The following USH2A variants were observed in gnomAD, a reference collection of about 807,000 sequenced individuals.
USH2A encodes the protein Usher syndrome 2A (autosomal recessive, mild).
Under a neutral mutation model 538.9 loss-of-function variants are expected in USH2A, and 443 were observed. That is an observed-to-expected ratio of 0.82 (90% confidence interval 0.76 to 0.89). USH2A has a LOEUF of 0.89. USH2A is among the 40% of genes least tolerant of loss of function. The probability of loss-of-function intolerance (pLI) is 0.00; values close to 1 mark genes in which losing one functional copy is unlikely to be tolerated. For synonymous variants in USH2A, 2,413 were observed against 2,273.5 expected, an observed-to-expected ratio of 1.06 and a Z score of -1.75; for missense variants, 6,633 against 6,324.8, an observed-to-expected ratio of 1.05 and a Z score of -1.65.
chr1:215,759,903 G>A lies in USH2A; in HGVS notation c.11048-60C>T, dbSNP rs1050828913. 10 of 1,593,596 alleles carry A rather than the reference G, an allele frequency of 6.3e-6. No homozygotes were observed. The African/African-American group carries it at 1.2e-4, about 19-fold the overall frequency. ...GGAGAAAATAAACAGTGTATCAAAA[G>A]TCACACCATCCCCCCCATGAACTGT... On this transcript the variant is annotated intron_variant, in intron 56 of 71. Transcript: ENST00000307340.
chr1:216,292,269 TTTGGAATGGCTGTTGCA>T lies in USH2A; in HGVS notation c.1729_1745del (p.Cys577LysfsTer14). The T allele has an allele frequency of 6.2e-7, 1 of 1,614,066 alleles. No homozygotes were observed. The highest frequency in any genetic ancestry group is 1.7e-5 in the Admixed American group (1 of 60,026). On this transcript the variant is annotated frameshift_variant, in exon 10 of 72. Transcript: ENST00000307340. LOFTEE classifies it high-confidence loss of function. ...CTACAGAGATGTTGTAATGGCAGCT[TTTGGAATGGCTGTTGCA>T]TTGACAAGGTTTACAATTGAAAGCG...
chr1:215,703,789 C>T (rs1482425413), intron 61 of USH2A, among the ~76,000 whole-genome samples: 1 of 152,162 alleles, frequency 6.6e-6, no homozygotes. Context: ...CACACGGCTC[C>T]CTGGCTTCAG....
Position 215,888,710 on chromosome 1 carries a change from G to C in USH2A, c.7939C>G (p.Pro2647Ala), listed in dbSNP as rs1414367127. 1 of 1,614,130 alleles carries C rather than the reference G, an allele frequency of 6.2e-7. No individual in the cohort carries two copies. Among genetic ancestry groups the C allele is most frequent in the Non-Finnish European group, 8.5e-7 (1 of 1,180,024 alleles). Residue 2647 changes from proline to alanine, a missense_variant, in exon 41 of 72, where the codon CCT (proline) becomes GCT (alanine). By Grantham distance (27) the Pro-to-Ala change is conservative (BLOSUM62 -1). Transcript: ENST00000307340. Reference sequence around the variant, plus strand: ...TCCACCAAGCCATTGGGGTGGGTAGGGGGTTGCCAAGATATAATCACAGAT... The same window carrying C: ...TCCACCAAGCCATTGGGGTGGGTAGCGGGTTGCCAAGATATAATCACAGAT... ...PTSVIISWQP[P>A]THPNGLVENF... is the part of the protein sequence containing the mutation.
At chr1:215,844,917 C>T (rs1159446293) in intron 45 of USH2A, among the ~76,000 whole-genome samples, 6 of 152,020 alleles carry the variant, frequency 3.9e-5, no homozygotes, top group Non-Finnish European at 7.4e-5. Flanking sequence ...GCTGGTGGAA[C>T]GTGAAAAATC....
Position 216,083,518 on chromosome 1 carries a change from T to C in USH2A, c.5236A>G (p.Thr1746Ala), listed in dbSNP as rs1235755585. The change falls in exon 26 of 72, where the codon ACT becomes GCT. Residue 1746 changes from threonine to alanine, a missense_variant. By Grantham distance (58) the Thr-to-Ala change is moderately conservative. Transcript: ENST00000307340. ...MNFEISFKFR[T>A]DQLNGLLLFV... ...AGAAGCAATCCATTTAATTGGTCAGTTCTGAACTTAAAGGAAATCTCAAAG... is the reference window on the plus strand; with the variant it reads ...AGAAGCAATCCATTTAATTGGTCAGCTCTGAACTTAAAGGAAATCTCAAAG... 3 of 1,612,610 alleles carry C rather than the reference T, an allele frequency of 1.9e-6. No homozygotes were observed. Among genetic ancestry groups the C allele is most frequent in the Non-Finnish European group, 2.5e-6 (3 of 1,179,226 alleles).
At chr1:215,888,320 A>C (rs1405149743) in intron 41 of USH2A, 106 bp downstream of exon 41, 3 of 1,555,470 alleles carry the variant, frequency 1.9e-6, no homozygotes, top group Non-Finnish European at 2.6e-6. Context: ...GAATGCCTAA[A>C]ACAACAAATG....
chr1:216,352,803 A>G (rs1350580627), intron 4 of USH2A, among the ~76,000 whole-genome samples: 2 of 152,152 alleles, frequency 1.3e-5, no homozygotes, highest in Non-Finnish European at 2.9e-5. Flanking sequence ...ATAGCAGTGG[A>G]AATCTATAGA....
At chr1:215,896,520 A>G (rs12090189) in intron 40 of USH2A, among the ~76,000 whole-genome samples, 25,412 of 152,080 alleles carry the variant, frequency 0.17, 2,538 homozygotes, top group South Asian at 0.3. Context: ...AAGTAGGTTA[A>G]TTCATAGTTA....
intron 21 of USH2A, among the ~76,000 whole-genome samples, chr1:216,133,761 C>G (rs919429646): frequency 2.6e-5 from 4 of 152,040 alleles, no homozygotes; most frequent in Admixed American, 6.6e-5. Flanking sequence ...CTGTTGCTTT[C>G]CAGGCTTTGT....
intron 64 of USH2A, among the ~76,000 whole-genome samples, chr1:215,657,927 A>AT (rs59977028): frequency 0.029 from 2,853 of 97,732 alleles, 105 homozygotes; most frequent in African/African-American, 0.091. Context: ...ATTTGCCCTG[A>AT]TTTTTTTTTT....
intron 32 of USH2A, among the ~76,000 whole-genome samples, chr1:216,015,744 T>C (rs1668693523): frequency 6.6e-6 from 1 of 152,218 alleles, no homozygotes; most frequent in South Asian, 2.1e-4. Flanking sequence ...ATTGTGGTTT[T>C]GATTTGCATT....
chr1:216,144,664 C>T (rs2033661164), intron 21 of USH2A, among the ~76,000 whole-genome samples: 1 of 152,168 alleles, frequency 6.6e-6, no homozygotes, highest in South Asian at 2.1e-4. Context: ...CAGCTTTTCG[C>T]CTACCTGACC....
chr1:216,280,852 A>G (rs984433865), intron 11 of USH2A, among the ~76,000 whole-genome samples: 9 of 152,324 alleles, frequency 5.9e-5, no homozygotes, highest in Non-Finnish European at 1.2e-4. Context: ...GGCTGGCTTC[A>G]TTCCTAAGTT....
At chr1:216,392,638 T>G (rs924205877) in intron 3 of USH2A, among the ~76,000 whole-genome samples, 15 of 151,478 alleles carry the variant, frequency 9.9e-5, no homozygotes, top group African/African-American at 3.6e-4. Context: ...TACATGAAAA[T>G]AAACTGTGAT....
At position 215,845,906 on chromosome 1, in the gene USH2A, T is replaced by G. The variant is rs2102823209; in HGVS notation, c.8973A>C (p.Thr2991=). 3.1e-6 allele frequency: 5 copies of G among 1,613,948 alleles called. No individual in the cohort carries two copies. Among genetic ancestry groups the G allele is most frequent in the Non-Finnish European group, 1.7e-6 (2 of 1,179,948 alleles). The stretch of plus-strand genomic sequence containing the variant: ...AGACAGAGATAAAGATCCAATACTC[T>G]GTGTTTGGCTTTAGGTGGCCAATGA... ...SHVIGHLKPN[T]EYWIFISVFN... is the part of the protein sequence containing the mutation. Residue 2991 remains threonine (T), a synonymous_variant, in exon 45 of 72, where the codon ACA becomes ACC. Coordinates refer to ENST00000307340, the MANE Select transcript of USH2A (RefSeq NM_206933.4).
At chr1:216,190,499 T>A (rs1186391649) in intron 19 of USH2A, 132 bp from the exon 20 acceptor site, 1 of 666,532 alleles carries the variant, frequency 1.5e-6, no homozygotes, top group African/African-American at 2.0e-5. Context: ...AGGAAAAGGG[T>A]TTTTTTTTTT....
chr1:215,953,515 A>G (rs1558179759), intron 37 of USH2A, among the ~76,000 whole-genome samples: 2 of 152,202 alleles, frequency 1.3e-5, no homozygotes, highest in Non-Finnish European at 2.9e-5. Context: ...AGCCATATGT[A>G]GAAGCTGAAA....
chr1:215,884,322 G>A (rs1276508872), intron 41 of USH2A, among the ~76,000 whole-genome samples: 1 of 152,220 alleles, frequency 6.6e-6, no homozygotes, highest in Non-Finnish European at 1.5e-5. Flanking sequence ...CAGTTTATAT[G>A]TTGACTTTGG....
chr1:215,813,686 AT>A, intron 49 of USH2A, 49 bp downstream of exon 49: 1 of 1,611,846 alleles, frequency 6.2e-7, no homozygotes, highest in Non-Finnish European at 8.5e-7. Context: ...CCACGTGTTT[AT>A]GTTTTCAGGT....
Sources: gnomAD v4.1 joint callset for allele counts (sites outside exome capture counted in the v4.1 genomes callset) on GRCh38, gnomAD v4.1.1 for gene constraint, MANE v1.5 for transcripts, NCBI Gene and HGNC (gene_info 2026-07-23, HGNC 2026-07-21) for gene names.